Variants in PTPN12 observed in about 807,000 individuals in gnomAD.
PTPN12 encodes tyrosine-protein phosphatase non-receptor type 12.
A neutral mutation model predicts 97.6 loss-of-function variants in PTPN12; 29 were observed. The observed-to-expected ratio is 0.30, with a 90% CI of 0.22 to 0.41. The LOEUF (loss-of-function observed/expected upper bound fraction) is 0.41, where lower values mean the gene tolerates loss of function less well. PTPN12 is among the 10% of genes least tolerant of loss of function. The pLI, the probability that PTPN12 is intolerant of heterozygous loss-of-function variation, is 1.00. For missense variants in PTPN12, 819 were observed against 926.0 expected, an observed-to-expected ratio of 0.88 and a Z score of 1.50; for synonymous variants, 327 against 300.4, an observed-to-expected ratio of 1.09 and a Z score of -0.91.
chr7:77,573,783 C>T (rs1459867609), intron 2 of PTPN12, among the ~76,000 whole-genome samples: 3 of 152,124 alleles, frequency 2.0e-5, no homozygotes, highest in African/African-American at 4.8e-5. Flanking sequence ...GTTTTTGAAA[C>T]GGTGTCTTGC....
At chr7:77,552,854 T>C (rs1430751563) in intron 1 of PTPN12, among the ~76,000 whole-genome samples, 1 of 152,194 alleles carries the variant, frequency 6.6e-6, no homozygotes, top group East Asian at 1.9e-4. Context: ...TCTTAGCTTC[T>C]TTATCGTTAA....
chr7:77,625,474 T>TCGCGCGCTCTCTCG, intron 12 of PTPN12, among the ~76,000 whole-genome samples: 1 of 29,166 alleles, frequency 3.4e-5, no homozygotes, highest in Non-Finnish European at 6.2e-5. Flanking sequence ...GGCTGCTCGC[T>TCGCGCGCTCTCTCG]CTCTCTCTCT....
chr7:77,537,984 G>GA, intron 1 of PTPN12: 1 of 993,496 alleles, frequency 1.0e-6, no homozygotes, highest in South Asian at 3.3e-5. Flanking sequence ...AGGCCGGGGG[G>GA]GGGGGCTCGC....
chr7:77,610,650 A>G, intron 9 of PTPN12, 115 bp from the exon 10 acceptor site: 1 of 1,091,634 alleles, frequency 9.2e-7, no homozygotes, highest in Non-Finnish European at 1.3e-6. Context: ...AGTGGTGTTC[A>G]ATAAATGTTT....
chr7:77,568,216 TTAAA>T lies in PTPN12; in HGVS notation c.100-2858_100-2855del, dbSNP rs144638118. Reference sequence around the variant, plus strand: ...AAACTGGATAAATGAAAATCCAAACTTAAATAAGATAAATATTTGGACGCAAAAG... The same window carrying T: ...AAACTGGATAAATGAAAATCCAAACTTAAGATAAATATTTGGACGCAAAAG... On this transcript the variant is annotated intron_variant, in intron 1 of 17. Transcript: ENST00000248594. Among the ~76,000 whole-genome samples, 1,009 of 152,334 alleles carry T rather than the reference TTAAA, an allele frequency of 6.6e-3. 17 individuals are homozygous for T. Among genetic ancestry groups the T allele is most frequent in the African/African-American group, 0.023 (941 of 41,570 alleles).
At chr7:77,626,561 A>T in intron 12 of PTPN12, 144 bp from the exon 13 acceptor site, 3 of 771,854 alleles carry the variant, frequency 3.9e-6, no homozygotes, top group Non-Finnish European at 6.0e-6. Context: ...GATGAACATT[A>T]AATTTTCTTA....
chr7:77,551,393 G>A (rs950349899), intron 1 of PTPN12, among the ~76,000 whole-genome samples: 2 of 152,144 alleles, frequency 1.3e-5, no homozygotes, highest in African/African-American at 2.4e-5. Context: ...TAGCTATCTG[G>A]GTGCAATCAT....
chr7:77,636,842 T>G (rs1789611081), intron 15 of PTPN12, 176 bp from the exon 16 acceptor site: 2 of 502,522 alleles, frequency 4.0e-6, no homozygotes, highest in Non-Finnish European at 7.1e-6. Context: ...CAAGGAGAAA[T>G]AGCATAACAT....
intron 6 of PTPN12, among the ~76,000 whole-genome samples, chr7:77,596,467 G>A (rs980548859): frequency 3.9e-5 from 6 of 152,114 alleles, no homozygotes; most frequent in African/African-American, 7.2e-5. Context: ...ATGCAGCGAC[G>A]TGATCGCAGC....
At position 77,564,718 on chromosome 7, in the gene PTPN12, GTGTTT is replaced by G. The variant is rs748464218; in HGVS notation, c.100-6355_100-6351del. Among the ~76,000 whole-genome samples the G allele has an allele frequency of 8.1e-5, 8 of 98,754 alleles. No individual in the cohort carries two copies. In the East Asian group the frequency reaches 2.0e-3, roughly 25 times the overall value. The allele number at this position is 98,754 out of a possible 152,430, so 64.8% of individuals were successfully genotyped here. A position where few individuals can be genotyped will look rare whatever the true frequency, so the allele number is the denominator to read the frequency against. The stretch of plus-strand genomic sequence containing the variant: ...AGTTGTGCCTTATGAAACTCATACT[GTGTTT>G]TGTTGTTGTTTTTTGTTGTCGTGTT... On this transcript the variant is annotated intron_variant, in intron 1 of 17. Transcript: ENST00000248594.
chr7:77,634,160 A>G (rs1485561052), intron 14 of PTPN12, among the ~76,000 whole-genome samples: 9 of 144,926 alleles, frequency 6.2e-5, no homozygotes, highest in African/African-American at 2.1e-4. Flanking sequence ...TGATCGCACC[A>G]CTGTACTCCA....
At chr7:77,564,066 A>T (rs762572761) in intron 1 of PTPN12, 8 of 251,116 alleles carry the variant, frequency 3.2e-5, no homozygotes, top group Non-Finnish European at 6.6e-5. Context: ...TTTGGTAGAG[A>T]TTGGGTTTCA....
chr7:77,559,220 C>T (rs978642055), intron 1 of PTPN12, among the ~76,000 whole-genome samples: 9 of 152,192 alleles, frequency 5.9e-5, no homozygotes, highest in Non-Finnish European at 1.0e-4. Flanking sequence ...ATTAGAGGAT[C>T]GTGTGTAATT....
At chr7:77,574,988 T>C (rs1055220408) in intron 2 of PTPN12, among the ~76,000 whole-genome samples, 1 of 151,824 alleles carries the variant, frequency 6.6e-6, no homozygotes, top group Non-Finnish European at 1.5e-5. Flanking sequence ...CCTGCCACCA[T>C]GCCCAGCTAA....
Position 77,600,668 on chromosome 7 carries a change from C to G in PTPN12, c.557C>G (p.Ser186Cys). The change falls in exon 8 of 18, where the codon TCT (serine) becomes TGT (cysteine). Residue 186 changes from serine to cysteine, a missense_variant. Physicochemically the swap from Ser to Cys is moderately radical, Grantham distance 112 (BLOSUM62 -1). Transcript: ENST00000248594. ...GACTTTCTGTTTTTCTTGAAGGAAT[C>G]TCGTAGGCTGTATCAGTTTCATTAT... The part of the protein sequence containing the change: ...RTLLLEFQNE[S>C]RRLYQFHYVN... The G allele has an allele frequency of 1.3e-5, 20 of 1,594,118 alleles. No homozygotes were observed. The highest frequency in any genetic ancestry group is 1.7e-5 in the Non-Finnish European group (20 of 1,173,590).
intron 7 of PTPN12, among the ~76,000 whole-genome samples, chr7:77,598,133 C>T (rs1035001673): frequency 3.9e-5 from 6 of 151,944 alleles, no homozygotes; most frequent in South Asian, 2.1e-4. Context: ...AGGCTGAGCC[C>T]GGGAGGTTGA....
chr7:77,604,908 G>C (rs1423552599), intron 8 of PTPN12: 2 of 429,440 alleles, frequency 4.7e-6, no homozygotes, highest in South Asian at 3.3e-5. Flanking sequence ...TTACTGAACG[G>C]TCTGATCTCT....
chr7:77,602,333 A>G (rs892992061), intron 8 of PTPN12, among the ~76,000 whole-genome samples: 13 of 152,208 alleles, frequency 8.5e-5, no homozygotes, highest in Admixed American at 8.5e-4. Flanking sequence ...ATACATATGC[A>G]CATATATGTA....
chr7:77,600,417 C>T (rs1359156066), intron 7 of PTPN12, among the ~76,000 whole-genome samples: 1 of 152,092 alleles, frequency 6.6e-6, no homozygotes, highest in African/African-American at 2.4e-5. Flanking sequence ...CTGTATATCT[C>T]AGTTATAAAA....
Sources: gnomAD v4.1 joint callset for allele counts (sites outside exome capture counted in the v4.1 genomes callset) on GRCh38, gnomAD v4.1.1 for gene constraint, MANE v1.5 for transcripts, NCBI Gene and HGNC (gene_info 2026-07-23, HGNC 2026-07-21) for gene names.